Variants in PLXNC1 observed in about 807,000 individuals in gnomAD.
The protein encoded by PLXNC1 is plexin C1.
In PLXNC1, 75 loss-of-function variants were observed where a neutral mutation model predicts 178.2. The observed-to-expected ratio is 0.42, with a 90% CI of 0.35 to 0.51. The LOEUF (loss-of-function observed/expected upper bound fraction) is 0.51, where lower values mean the gene tolerates loss of function less well. PLXNC1 is among the 20% of genes least tolerant of loss of function. PLXNC1 has a pLI of 0.02. For synonymous variants in PLXNC1, 790 were observed against 779.9 expected (o/e 1.01, Z -0.22); for missense variants, 1,503 against 1,984.4 (o/e 0.76, Z 4.61).
At chr12:94,209,526 TATGGGGTCGCTGTTTTAACTAACACAC>T in intron 4 of PLXNC1, 37 bp from the exon 5 acceptor site, 2 of 908,894 alleles carry the variant, frequency 2.2e-6, no homozygotes, top group Admixed American at 1.8e-5. Flanking sequence ...CTAATGCACG[TATGGGGTCGCTGTTTTAACTAACACAC>T]GTATGGGGTC....
At chr12:94,165,453 C>G (rs1173913579) in intron 1 of PLXNC1, among the ~76,000 whole-genome samples, 1 of 152,190 alleles carries the variant, frequency 6.6e-6, no homozygotes. Flanking sequence ...GCCTCCTCTC[C>G]TGTTTTCTTC....
chr12:94,264,979 C>T, intron 20 of PLXNC1, 100 bp from the exon 21 acceptor site: 1 of 1,197,022 alleles, frequency 8.4e-7, no homozygotes, highest in Non-Finnish European at 1.2e-6. Flanking sequence ...GTTAGAAAAC[C>T]CTGTCTCCTG....
chr12:94,306,976 G>A lies in PLXNC1; in HGVS notation c.*1691G>A, dbSNP rs1969093159. On this transcript the variant is annotated 3_prime_UTR_variant, in exon 31 of 31. Transcript: ENST00000258526. ...AGGCTGCTACAGTCTTCAAAGAGGT[G>A]AAGGAGTTCATAAGAGAACAACAGT... The A allele has an allele frequency of 6.6e-6, 1 of 152,232 alleles. No homozygotes were observed. The highest frequency in any genetic ancestry group is 6.5e-5 in the Admixed American group (1 of 15,276). The allele number at this position is 152,232 out of a possible 1,614,324, so 9.4% of individuals were successfully genotyped here. A position where few individuals can be genotyped will look rare whatever the true frequency, so the allele number is the denominator to read the frequency against.
chr12:94,243,893 G>A (rs1964455690), intron 11 of PLXNC1, 45 bp from the exon 12 acceptor site: 3 of 911,022 alleles, frequency 3.3e-6, no homozygotes, highest in South Asian at 1.7e-5. Flanking sequence ...CAAAATGCCT[G>A]TGTGTTAGCT....
At chr12:94,282,528 G>T in intron 23 of PLXNC1, 127 bp downstream of exon 23, 1 of 656,806 alleles carries the variant, frequency 1.5e-6, no homozygotes, top group Non-Finnish European at 2.7e-6. Flanking sequence ...CGTGTCTGGG[G>T]CTGAAGTTTT....
intron 4 of PLXNC1, among the ~76,000 whole-genome samples, chr12:94,207,507 C>T (rs530367087): frequency 1.2e-3 from 179 of 152,254 alleles, no homozygotes; most frequent in Admixed American, 5.3e-3. Context: ...ATAGAGATTT[C>T]ATATTTCATC....
In PLXNC1 at chr12:94,305,446, A is replaced by G; in HGVS notation, c.*161A>G. 1 of 588,722 alleles carries G rather than the reference A, an allele frequency of 1.7e-6. No individual in the cohort carries two copies. Among genetic ancestry groups the G allele is most frequent in the South Asian group, 2.1e-5 (1 of 46,596 alleles). The allele number at this position is 588,722 out of a possible 1,614,324, so 36.5% of individuals were successfully genotyped here. A position where few individuals can be genotyped will look rare whatever the true frequency, so the allele number is the denominator to read the frequency against. ...CAAGGCACATGCACAGCTTTTAGAAAGCATACCAACCCTTGTGCCTGTGTG... is the reference window on the plus strand; with the variant it reads ...CAAGGCACATGCACAGCTTTTAGAAGGCATACCAACCCTTGTGCCTGTGTG... On this transcript the variant is annotated 3_prime_UTR_variant, in exon 31 of 31. Transcript: ENST00000258526.
At chr12:94,177,831 G>A (rs755610040) in intron 2 of PLXNC1, among the ~76,000 whole-genome samples, 15 of 152,330 alleles carry the variant, frequency 9.8e-5, no homozygotes, top group Non-Finnish European at 1.6e-4. Flanking sequence ...GAGTGGTGGT[G>A]TAAAGTATGT....
At chr12:94,252,119 T>C (rs1040239317) in intron 15 of PLXNC1, among the ~76,000 whole-genome samples, 3 of 152,348 alleles carry the variant, frequency 2.0e-5, no homozygotes, top group Middle Eastern at 6.8e-3. Flanking sequence ...TTCCTTCAAA[T>C]TGTGGTGACA....
At chr12:94,251,380 C>T in intron 14 of PLXNC1, 46 bp from the exon 15 acceptor site, 2 of 1,093,072 alleles carry the variant, frequency 1.8e-6, no homozygotes, top group South Asian at 1.2e-5. Flanking sequence ...TAAATAAATA[C>T]AGTCCCCAAC....
At chr12:94,151,238 T>C (rs1960951549) in intron 1 of PLXNC1, among the ~76,000 whole-genome samples, 1 of 152,136 alleles carries the variant, frequency 6.6e-6, no homozygotes. Context: ...GGTATATTAA[T>C]ATGTGTATAG....
rs1431501636 is a variant in PLXNC1, at chr12:94,306,417, C to CCTTTCTTTTTAAAGAATT, written c.*1135_*1152dup. The stretch of plus-strand genomic sequence containing the variant: ...ATTTAAAATACCCATTTTATTCATG[C>CCTTTCTTTTTAAAGAATT]CTTTCTTTTTAAAGAATTCTCTATC... On this transcript the variant is annotated 3_prime_UTR_variant, in exon 31 of 31. Coordinates refer to ENST00000258526, the MANE Select transcript of PLXNC1 (RefSeq NM_005761.3). 20 of 152,114 alleles carry CCTTTCTTTTTAAAGAATT rather than the reference C, an allele frequency of 1.3e-4. No homozygotes were observed. Among genetic ancestry groups the CCTTTCTTTTTAAAGAATT allele is most frequent in the Admixed American group, 1.2e-3 (19 of 15,270 alleles). 9.4% of individuals were successfully genotyped at this position (152,114 alleles called of 1,614,324 possible). A position where few individuals can be genotyped will look rare whatever the true frequency, so the allele number is the denominator to read the frequency against.
chr12:94,301,378 CAT>C (rs1179358466), intron 28 of PLXNC1, among the ~76,000 whole-genome samples: 1 of 152,126 alleles, frequency 6.6e-6, no homozygotes, highest in African/African-American at 2.4e-5. Flanking sequence ...AATATGCAAC[CAT>C]TGAAATTTGC....
chr12:94,276,095 T>C (rs1965937236), intron 21 of PLXNC1, among the ~76,000 whole-genome samples: 1 of 152,164 alleles, frequency 6.6e-6, no homozygotes, highest in African/African-American at 2.4e-5. Flanking sequence ...AAAAAGAACA[T>C]TTATTGCCCA....
Position 94,303,905 on chromosome 12 carries a change from A to C in PLXNC1, c.4527+9A>C. 6.2e-7 allele frequency: 1 copy of C among 1,609,424 alleles called. No individual in the cohort carries two copies. The highest frequency in any genetic ancestry group is 8.5e-7 in the Non-Finnish European group (1 of 1,177,956). ...TAACTCAGGAATCTAAGGTATCATTAGAAAGCAGAAATAAGCTTATATTTG... is the reference window on the plus strand; with the variant it reads ...TAACTCAGGAATCTAAGGTATCATTCGAAAGCAGAAATAAGCTTATATTTG... On this transcript the variant is annotated intron_variant, in intron 29 of 30. Coordinates refer to ENST00000258526, the MANE Select transcript of PLXNC1 (RefSeq NM_005761.3).
In PLXNC1 at chr12:94,260,986, A is replaced by G. The variant is rs1174103128; in HGVS notation, c.3450+146A>G. 1.4e-6 allele frequency: 1 copy of G among 703,436 alleles called. No homozygotes were observed. Among genetic ancestry groups the G allele is most frequent in the Non-Finnish European group, 2.5e-6 (1 of 407,946 alleles). 43.6% of individuals were successfully genotyped at this position (703,436 alleles called of 1,614,324 possible). ...TTTCGTCTTGGTCCTGACCCAGAAC[A>G]GAGAGAGGGAAAGTAAACATTGTTT... On this transcript the variant is annotated intron_variant, in intron 20 of 30. Transcript: ENST00000258526. This position sits in a 1 kb window ranked among gnomAD's most constrained non-coding sequence, Gnocchi z 4.4.
intron 11 of PLXNC1, among the ~76,000 whole-genome samples, chr12:94,242,247 TTCTC>T (rs945206767): frequency 6.6e-6 from 1 of 151,808 alleles, no homozygotes; most frequent in East Asian, 1.9e-4. Context: ...GATGGTCATC[TTCTC>T]TCTATGTCTT....
At chr12:94,223,027 T>C (rs146833265) in intron 6 of PLXNC1, among the ~76,000 whole-genome samples, 3 of 152,348 alleles carry the variant, frequency 2.0e-5, no homozygotes, top group East Asian at 3.9e-4. Context: ...TTTTAGACTT[T>C]GGGAACCACA....
In PLXNC1 at chr12:94,186,656, A is replaced by G. The variant is rs1347234656; in HGVS notation, c.1439+183A>G. 1.3e-5 allele frequency: 7 copies of G among 539,454 alleles called. No individual in the cohort carries two copies. The East Asian group carries it at 1.9e-4, about 15-fold the overall frequency. The allele number at this position is 539,454 out of a possible 1,614,324, so 33.4% of individuals were successfully genotyped here. On this transcript the variant is annotated intron_variant, in intron 4 of 30. Transcript: ENST00000258526. ...AGGTGTTTCCAGCGGCGTCCGTGCT[A>G]TGCAATCACTGGACCCGGGAGCTCC...
Sources: gnomAD v4.1 joint callset for allele counts (sites outside exome capture counted in the v4.1 genomes callset) on GRCh38, gnomAD v4.1.1 for gene constraint, Gnocchi (gnomAD v3.1) non-coding constraint, MANE v1.5 for transcripts, NCBI Gene and HGNC (gene_info 2026-07-23, HGNC 2026-07-21) for gene names.